The following GNA14 variants were observed in gnomAD, a reference collection of about 807,000 sequenced individuals.
GNA14 encodes the protein guanine nucleotide-binding protein subunit alpha-14.
GNA14 carries 50 observed loss-of-function variants against 42.0 expected under a neutral mutation model. The observed-to-expected ratio is 1.19, with a 90% confidence interval of 0.95 to 1.51. The LOEUF is 1.51. Among genes scored for constraint, GNA14 ranks in the 40% most tolerant of loss-of-function variants. GNA14 has a pLI of 0.00. For synonymous variants in GNA14, 173 were observed against 163.1 expected, an observed-to-expected ratio of 1.06 and a Z score of -0.46; for missense variants, 473 against 446.2, an observed-to-expected ratio of 1.06 and a Z score of -0.54.
At chr9:77,585,360 A>G (rs1823286952) in intron 1 of GNA14, among the ~76,000 whole-genome samples, 1 of 152,222 alleles carries the variant, frequency 6.6e-6, no homozygotes, top group African/African-American at 2.4e-5. Flanking sequence ...AGGGAAATTT[A>G]TATCTACAAA....
intron 2 of GNA14, among the ~76,000 whole-genome samples, chr9:77,519,084 T>C (rs1449435788): frequency 6.6e-6 from 1 of 152,170 alleles, no homozygotes; most frequent in Non-Finnish European, 1.5e-5. Flanking sequence ...CTAATGAATA[T>C]GCTTTTCACT....
intron 1 of GNA14, among the ~76,000 whole-genome samples, chr9:77,538,458 T>G (rs145634120): frequency 6.6e-6 from 1 of 152,146 alleles, no homozygotes; most frequent in South Asian, 2.1e-4. Flanking sequence ...TTTTTTCTCA[T>G]GCCGTGAAAT....
chr9:77,458,177 T>A (rs990369351), intron 2 of GNA14, among the ~76,000 whole-genome samples: 4 of 152,222 alleles, frequency 2.6e-5, no homozygotes, highest in Admixed American at 1.3e-4. Flanking sequence ...GTATGTCCTG[T>A]CTTTCCTCTA....
intron 1 of GNA14, among the ~76,000 whole-genome samples, chr9:77,538,066 CTTT>C (rs35946811): frequency 2.9e-5 from 4 of 138,490 alleles, no homozygotes; most frequent in African/African-American, 1.1e-4. Context: ...ACAGAAGCTT[CTTT>C]TTTTTTTTTT....
intron 2 of GNA14, among the ~76,000 whole-genome samples, chr9:77,459,549 A>T (rs1836069076): frequency 6.6e-6 from 1 of 152,080 alleles, no homozygotes; most frequent in African/African-American, 2.4e-5. Flanking sequence ...CTCTTGCCTC[A>T]GGAGACCCCA....
intron 1 of GNA14, among the ~76,000 whole-genome samples, chr9:77,574,704 CAGT>C (rs1564057198): frequency 6.6e-6 from 1 of 152,174 alleles, no homozygotes; most frequent in Non-Finnish European, 1.5e-5. Context: ...TCTGGAATCT[CAGT>C]AGCTTAATAT....
chr9:77,618,605 TATATATATATATATA>T (rs1370112609), intron 1 of GNA14, among the ~76,000 whole-genome samples: 4 of 13,404 alleles, frequency 3.0e-4, no homozygotes, highest in Non-Finnish European at 3.6e-4. Flanking sequence ...TATATATATA[TATATATATATATATA>T]TTTTTTTTTT....
chr9:77,571,756 C>CAAAAA (rs35715329), intron 1 of GNA14, among the ~76,000 whole-genome samples: 1 of 129,838 alleles, frequency 7.7e-6, no homozygotes, highest in Non-Finnish European at 1.6e-5. Context: ...CCTCTGCCTT[C>CAAAAA]AAAAAAAAAA....
At chr9:77,480,790 T>C (rs1468819230) in intron 2 of GNA14, among the ~76,000 whole-genome samples, 5 of 152,144 alleles carry the variant, frequency 3.3e-5, no homozygotes, top group Non-Finnish European at 7.4e-5. Flanking sequence ...GTGTATGTGT[T>C]GAGGAATTTA....
intron 1 of GNA14, among the ~76,000 whole-genome samples, chr9:77,601,255 G>A (rs1650287356): frequency 2.6e-5 from 4 of 152,028 alleles, no homozygotes; most frequent in Admixed American, 2.6e-4. Flanking sequence ...ATGTGTCTGT[G>A]TGCCTAACTT....
rs760355213 is a variant in GNA14, at chr9:77,647,730, C to G, written c.64G>C (p.Glu22Gln). 12 of 1,609,560 alleles carry G rather than the reference C, an allele frequency of 7.5e-6. No homozygotes were observed. Among genetic ancestry groups the G allele is most frequent in the East Asian group, 2.2e-5 (1 of 44,738 alleles). Residue 22 changes from glutamate (E) to glutamine (Q), a missense_variant, in exon 1 of 7, where the codon GAG becomes CAG. Coordinates refer to ENST00000341700, the MANE Select transcript of GNA14 (RefSeq NM_004297.4). ...TTCTTGTCCCGACGAAGCTGTCGCT[C>G]GATCTCCGCGCTGATGCGCTGCGAC... ...KESQRISAEI[E>Q]RQLRRDKKDA...
intron 1 of GNA14, among the ~76,000 whole-genome samples, chr9:77,571,509 T>C (rs1823058792): frequency 6.6e-6 from 1 of 152,168 alleles, no homozygotes; most frequent in Non-Finnish European, 1.5e-5. Flanking sequence ...GGAAGTACTG[T>C]AAATACACAC....
chr9:77,595,155 C>A (rs1823444415), intron 1 of GNA14, among the ~76,000 whole-genome samples: 1 of 151,990 alleles, frequency 6.6e-6, no homozygotes, highest in Non-Finnish European at 1.5e-5. Flanking sequence ...GTTGCCACAT[C>A]TTTTATATTT....
intron 1 of GNA14, among the ~76,000 whole-genome samples, chr9:77,558,731 G>A (rs1822829785): frequency 6.6e-6 from 1 of 152,098 alleles, no homozygotes; most frequent in African/African-American, 2.4e-5. Flanking sequence ...GTGGGGTAGA[G>A]ACTGGGGCCT....
At chr9:77,592,651 G>A (rs1301519514) in intron 1 of GNA14, among the ~76,000 whole-genome samples, 3 of 152,226 alleles carry the variant, frequency 2.0e-5, no homozygotes, top group East Asian at 1.9e-4. Flanking sequence ...CTAAACATTC[G>A]AGTTTGTAAT....
intron 2 of GNA14, among the ~76,000 whole-genome samples, chr9:77,441,167 A>G (rs1040648631): frequency 2.6e-5 from 4 of 152,322 alleles, no homozygotes; most frequent in South Asian, 2.1e-4. Context: ...CCCCACCCAA[A>G]TGTCATCCTG....
intron 1 of GNA14, among the ~76,000 whole-genome samples, chr9:77,571,304 C>T (rs965151579): frequency 6.6e-6 from 1 of 152,090 alleles, no homozygotes; most frequent in Non-Finnish European, 1.5e-5. Context: ...TTTCTAAGTA[C>T]TGTGGAGGGG....
intron 1 of GNA14, among the ~76,000 whole-genome samples, chr9:77,646,440 C>A (rs1023044391): frequency 1.3e-5 from 2 of 151,994 alleles, no homozygotes; most frequent in African/African-American, 2.4e-5. Flanking sequence ...GGGCACACCC[C>A]CCCCCAACCC....
intron 1 of GNA14, 29 bp from the exon 2 acceptor site, chr9:77,529,282 G>A (rs1837492779): frequency 6.4e-7 from 1 of 1,563,826 alleles, no homozygotes; most frequent in African/African-American, 1.4e-5. Context: ...GGAAAACGCT[G>A]TCAGCAGACT....
Sources: allele counts gnomAD v4.1 joint callset (sites outside exome capture counted in the v4.1 genomes callset), GRCh38; gene constraint gnomAD v4.1.1; transcripts MANE v1.5; gene names NCBI Gene and HGNC (gene_info 2026-07-23, HGNC 2026-07-21).